SFI1: variants seen among roughly 807,000 people sequenced by gnomAD.
SFI1 encodes protein SFI1 homolog.
Under a neutral mutation model 207.5 loss-of-function variants are expected in SFI1, and 195 were observed. That is an observed-to-expected ratio of 0.94 (90% CI 0.84 to 1.06). The LOEUF (loss-of-function observed/expected upper bound fraction) is 1.06, where lower values mean the gene tolerates loss of function less well. Ranked by LOEUF, SFI1 falls within the 50% of genes least tolerant of loss-of-function variation. The pLI, the probability that SFI1 is intolerant of heterozygous loss-of-function variation, is 0.00. For synonymous variants in SFI1, 630 were observed against 598.9 expected, an observed-to-expected ratio of 1.05 and a Z score of -0.76; for missense variants, 1,634 against 1,588.0, an observed-to-expected ratio of 1.03 and a Z score of -0.49.
chr22:31,562,983 T>TTATATATATATATATATATATATA lies in SFI1; in HGVS notation c.765+1610_765+1611insATATATATATATATATATATATAT, dbSNP rs56072629. On this transcript the variant is annotated intron_variant, in intron 8 of 32. Transcript: ENST00000400288. ...AGCCAGAAAGCTGCATCATCATCTTTTATATATATATATATATATGTTTTG... is the reference window on the plus strand; with the variant it reads ...AGCCAGAAAGCTGCATCATCATCTTTTATATATATATATATATATATATATATATATATATATATATATGTTTTG... 3.0e-3 allele frequency among the ~76,000 whole-genome samples: 427 copies of TTATATATATATATATATATATATA among 142,248 alleles called. 1 individual carries two copies. The highest frequency in any genetic ancestry group is 7.5e-3 in the Middle Eastern group (2 of 268). The allele number at this position is 142,248 out of a possible 152,430, so 93.3% of individuals were successfully genotyped here. A position where few individuals can be genotyped will look rare whatever the true frequency, so the allele number is the denominator to read the frequency against.
intron 2 of SFI1, among the ~76,000 whole-genome samples, chr22:31,508,737 C>T (rs1024427126): frequency 2.6e-5 from 4 of 152,108 alleles, no homozygotes; most frequent in Non-Finnish European, 5.9e-5. Flanking sequence ...GACTGTATCT[C>T]TCCAATGAAG....
At position 31,573,210 on chromosome 22, in the gene SFI1, G is replaced by A. The variant is rs947584703; in HGVS notation, c.918G>A (p.Gln306=). 48 of 1,613,740 alleles carry A rather than the reference G, an allele frequency of 3.0e-5. 1 individual carries two copies. The highest frequency in any genetic ancestry group is 3.7e-5 in the Non-Finnish European group (44 of 1,179,974). ...YLQVRRVKRQ[Q]NEMAERFHHV... is the part of the protein sequence containing the mutation. ...AAGTCCGCAGAGTGAAGAGACAGCA[G>A]AATGGTGAGTAGGAAGCTCCAGGCT... Residue 306 remains glutamine (Q), a synonymous_variant, in exon 9 of 33, where the codon CAG becomes CAA. Coordinates refer to ENST00000400288, the MANE Select transcript of SFI1 (RefSeq NM_001007467.3).
At chr22:31,551,356 C>T (rs2060602444) in intron 6 of SFI1, among the ~76,000 whole-genome samples, 2 of 152,242 alleles carry the variant, frequency 1.3e-5, no homozygotes, top group East Asian at 1.9e-4. Context: ...GTTCTTCCTT[C>T]AGGCCCATTT....
intron 18 of SFI1, 135 bp from the exon 19 acceptor site, chr22:31,604,170 TAAGA>T: frequency 1.5e-6 from 1 of 675,566 alleles, no homozygotes; most frequent in Non-Finnish European, 2.5e-6. Flanking sequence ...ACAGAACCCC[TAAGA>T]AGCACGTATT....
chr22:31,497,438 G>A (rs1358102275), intron 1 of SFI1: 1 of 152,114 alleles, frequency 6.6e-6, no homozygotes, highest in Non-Finnish European at 1.5e-5. Context: ...TATTGCAATT[G>A]TTTTAGGTGG....
chr22:31,604,780 A>G, intron 19 of SFI1, 89 bp from the exon 20 acceptor site: 1 of 1,217,778 alleles, frequency 8.2e-7, no homozygotes, highest in Non-Finnish European at 1.2e-6. Flanking sequence ...TGGGCATGGC[A>G]GCCTTGTGGT....
intron 2 of SFI1, among the ~76,000 whole-genome samples, chr22:31,523,398 A>C (rs1340389155): frequency 6.6e-6 from 1 of 152,218 alleles, no homozygotes; most frequent in Non-Finnish European, 1.5e-5. Context: ...CACTTTCCCA[A>C]ATCAGGAGGA....
chr22:31,584,932 C>A, intron 13 of SFI1, 136 bp from the exon 14 acceptor site: 1 of 522,356 alleles, frequency 1.9e-6, no homozygotes, highest in Non-Finnish European at 3.3e-6. Context: ...GTTCTTATTG[C>A]CGTCTCTCCT....
chr22:31,600,114 C>G (rs1224704470), intron 15 of SFI1, among the ~76,000 whole-genome samples: 1 of 152,100 alleles, frequency 6.6e-6, no homozygotes, highest in Admixed American at 6.6e-5. Context: ...TTTTGAACTC[C>G]TGAGTTCAAG....
intron 20 of SFI1, chr22:31,606,103 T>C: frequency 1.8e-6 from 1 of 544,006 alleles, no homozygotes; most frequent in South Asian, 2.2e-5. Flanking sequence ...TCTCCAGCAG[T>C]GCTGGGTCCC....
At chr22:31,545,621 G>T (rs1438786025) in intron 4 of SFI1, among the ~76,000 whole-genome samples, 1 of 148,922 alleles carries the variant, frequency 6.7e-6, no homozygotes. Context: ...TCACTTTGTT[G>T]CCCATGTTGG....
At position 31,578,469 on chromosome 22, in the gene SFI1, C is replaced by G. The variant is rs751442428; in HGVS notation, c.1155+17C>G. The stretch of plus-strand genomic sequence containing the variant: ...AGCCAGCTGGTAAGAGCCCTGCATC[C>G]TGGCACGGGTCCGCTTGGCAGCCTT... On this transcript the variant is annotated intron_variant, in intron 11 of 32. Coordinates refer to ENST00000400288, the MANE Select transcript of SFI1 (RefSeq NM_001007467.3). The G allele has an allele frequency of 6.2e-7, 1 of 1,610,928 alleles. No homozygotes were observed. Among genetic ancestry groups the G allele is most frequent in the Non-Finnish European group, 8.5e-7 (1 of 1,178,198 alleles).
chr22:31,546,413 C>G (rs764416471), intron 4 of SFI1, among the ~76,000 whole-genome samples: 1 of 152,042 alleles, frequency 6.6e-6, no homozygotes, highest in African/African-American at 2.4e-5. Flanking sequence ...TCACTGCAAC[C>G]TCTGCCTCCC....
chr22:31,499,692 A>G (rs73398249), intron 1 of SFI1, among the ~76,000 whole-genome samples: 1,852 of 152,312 alleles, frequency 0.012, 43 homozygotes, highest in African/African-American at 0.043. Context: ...AAGAGAGTCC[A>G]TCGATGTGAC....
intron 15 of SFI1, among the ~76,000 whole-genome samples, chr22:31,595,104 C>G (rs62237812): frequency 0.045 from 6,881 of 152,162 alleles, 136 homozygotes; most frequent in African/African-American, 0.052. Context: ...TCAAGTAATT[C>G]TCCTGCCTCA....
At chr22:31,613,303 G>T in intron 25 of SFI1, 51 bp from the exon 26 acceptor site, 2 of 1,605,294 alleles carry the variant, frequency 1.2e-6, no homozygotes, top group East Asian at 2.2e-5. Context: ...CTGGTCTGTG[G>T]GGGAGCTCTA....
At chr22:31,612,333 T>G (rs1351914561) in intron 24 of SFI1, 1 of 131,278 alleles carries the variant, frequency 7.6e-6, no homozygotes, top group Non-Finnish European at 1.5e-5. Flanking sequence ...TGAGCTGAGA[T>G]AGCACCACTG....
chr22:31,602,140 G>A, intron 15 of SFI1, 72 bp from the exon 16 acceptor site: 1 of 1,293,210 alleles, frequency 7.7e-7, no homozygotes, highest in Non-Finnish European at 1.1e-6. Context: ...CCAATTATTT[G>A]GAACTTCTAG....
Position 31,611,152 on chromosome 22 carries a change from G to A in SFI1, c.2264G>A (p.Arg755Gln), listed in dbSNP as rs779424685. 7 of 1,614,188 alleles carry A rather than the reference G, an allele frequency of 4.3e-6. No homozygotes were observed. The Admixed American group carries it at 6.7e-5, about 15-fold the overall frequency. ...AQKVLDRGCL[R>Q]TWFQRWWDCS... The stretch of plus-strand genomic sequence containing the variant: ...CTTGGATCTGCCTTAGGCTGTCTGC[G>A]GACCTGGTTTCAGCGCTGGTGGGAC... Residue 755 changes from arginine (R) to glutamine (Q), a missense_variant, in exon 23 of 33, where the codon CGG (arginine) becomes CAG (glutamine). Transcript: ENST00000400288.
Sources: allele counts gnomAD v4.1 joint callset (sites outside exome capture counted in the v4.1 genomes callset), GRCh38; gene constraint gnomAD v4.1.1; transcripts MANE v1.5; gene names NCBI Gene and HGNC (gene_info 2026-07-23, HGNC 2026-07-21).